Variants in SLC4A8 observed in about 807,000 individuals in gnomAD.
The protein encoded by SLC4A8 is solute carrier family 4 member 8.
Under a neutral mutation model 125.0 loss-of-function variants are expected in SLC4A8, and 40 were observed. That is an observed-to-expected ratio of 0.32 (90% CI 0.25 to 0.42). The LOEUF (loss-of-function observed/expected upper bound fraction) is 0.42. Among genes scored for constraint, SLC4A8 ranks in the 10% least tolerant of loss-of-function variants. The pLI is 1.00. For synonymous variants in SLC4A8, 456 were observed against 476.0 expected, an observed-to-expected ratio of 0.96 and a Z score of 0.55; for missense variants, 863 against 1,355.1, an observed-to-expected ratio of 0.64 and a Z score of 5.70.
intron 1 of SLC4A8, among the ~76,000 whole-genome samples, chr12:51,416,514 A>G (rs1330210096): frequency 6.6e-6 from 1 of 152,022 alleles, no homozygotes; most frequent in Non-Finnish European, 1.5e-5. Flanking sequence ...GTGGTGGCGT[A>G]CGCTTGTAAT....
upstream of SLC4A8, chr12:51,421,850 G>A (rs1220376948): frequency 6.6e-6 from 1 of 152,164 alleles, no homozygotes; most frequent in Non-Finnish European, 1.5e-5. Flanking sequence ...GTCTCCTCAG[G>A]TGAATCTTTC....
intron 5 of SLC4A8, among the ~76,000 whole-genome samples, chr12:51,456,896 A>G (rs1387967990): frequency 6.6e-6 from 1 of 152,174 alleles, no homozygotes; most frequent in Non-Finnish European, 1.5e-5. Context: ...TTCTACAGTT[A>G]TAGTTCTTCT....
At chr12:51,455,372 C>T (rs926941381) in intron 5 of SLC4A8, among the ~76,000 whole-genome samples, 98 of 151,694 alleles carry the variant, frequency 6.5e-4, no homozygotes, top group African/African-American at 2.3e-3. Flanking sequence ...AAAAAAAGTG[C>T]AACGACAGAG....
chr12:51,510,703 CCT>C lies in SLC4A8; in HGVS notation c.*3268_*3269del, dbSNP rs1938337653. 2 of 152,152 alleles carry C rather than the reference CCT, an allele frequency of 1.3e-5. No individual in the cohort carries two copies. The highest frequency in any genetic ancestry group is 2.9e-5 in the Non-Finnish European group (2 of 68,046). 9.4% of individuals were successfully genotyped at this position (152,152 alleles called of 1,614,324 possible). On this transcript the variant is annotated 3_prime_UTR_variant, in exon 25 of 25. Transcript: ENST00000453097. ...TTCATGCAAGAGACTTTAAGGGTAA[CCT>C]CTTCAGTTGAAACTGTCTTGGAAGT...
chr12:51,395,832 C>A (rs1303089587), intron 1 of SLC4A8, among the ~76,000 whole-genome samples: 3 of 152,144 alleles, frequency 2.0e-5, no homozygotes, highest in Non-Finnish European at 2.9e-5. Flanking sequence ...TTAATGATAC[C>A]TGGGGTTGTT....
intron 1 of SLC4A8, among the ~76,000 whole-genome samples, chr12:51,433,857 T>C (rs1221257486): frequency 3.4e-5 from 2 of 59,104 alleles, no homozygotes; most frequent in Non-Finnish European, 7.1e-5. Flanking sequence ...ATCTGTTTTT[T>C]TTTTTTTTTT....
rs1173169005 is a variant in SLC4A8, at chr12:51,509,512, G to GAGA, written c.*2076_*2078dup. On this transcript the variant is annotated 3_prime_UTR_variant, in exon 25 of 25. Coordinates refer to ENST00000453097, the MANE Select transcript of SLC4A8 (RefSeq NM_001039960.3). ...CACTTTTTCATCTTCATTGTTCCCT[G>GAGA]AGAACATCTCCCCTTTCTTGCTCTA... The GAGA allele has an allele frequency of 6.6e-6, 1 of 152,180 alleles. No individual in the cohort carries two copies. Among genetic ancestry groups the GAGA allele is most frequent in the Non-Finnish European group, 1.5e-5 (1 of 68,056 alleles). 9.4% of individuals were successfully genotyped at this position (152,180 alleles called of 1,614,324 possible). A position where few individuals can be genotyped will look rare whatever the true frequency, so the allele number is the denominator to read the frequency against.
At chr12:51,486,336 C>G (rs1423535253) in intron 17 of SLC4A8, among the ~76,000 whole-genome samples, 1 of 152,094 alleles carries the variant, frequency 6.6e-6, no homozygotes, top group Non-Finnish European at 1.5e-5. Flanking sequence ...CCTGAACCTT[C>G]AAGGATGGTG....
intron 8 of SLC4A8, among the ~76,000 whole-genome samples, chr12:51,460,386 CCT>C (rs1042271158): frequency 6.5e-5 from 2 of 30,944 alleles, no homozygotes; most frequent in African/African-American, 2.0e-4. Context: ...AGAGTGAGAC[CCT>C]GTCTTTTTTA....
chr12:51,463,779 C>A, intron 11 of SLC4A8, 65 bp downstream of exon 11: 2 of 1,096,570 alleles, frequency 1.8e-6, no homozygotes, highest in Non-Finnish European at 2.7e-6. Flanking sequence ...AGGAATGAGG[C>A]ATCTTCTTTC....
rs541059563 is a variant in SLC4A8, at chr12:51,425,290, C to T, written c.48+255C>T. The T allele has an allele frequency of 1.6e-4, 203 of 1,294,454 alleles. 1 individual carries two copies. In the South Asian group the frequency reaches 4.3e-3, roughly 28 times the overall value. 80.2% of individuals were successfully genotyped at this position (1,294,454 alleles called of 1,614,324 possible). A position where few individuals can be genotyped will look rare whatever the true frequency, so the allele number is the denominator to read the frequency against. ...ATCCCTTGCGCCGCCCGCCCAGGAG[C>T]CCTGACAGCCGGCGGGCGGCGACCT... On this transcript the variant is annotated intron_variant, in intron 1 of 24. Coordinates refer to ENST00000453097, the MANE Select transcript of SLC4A8 (RefSeq NM_001039960.3).
chr12:51,402,676 C>A (rs947286270), intron 1 of SLC4A8, among the ~76,000 whole-genome samples: 3 of 151,960 alleles, frequency 2.0e-5, no homozygotes, highest in Admixed American at 2.0e-4. Flanking sequence ...GAGCCGAGAC[C>A]GCGCCATTGC....
chr12:51,497,568 C>T (rs1055492), intron 22 of SLC4A8: 58,336 of 155,806 alleles, frequency 0.37, 11,286 homozygotes, highest in East Asian at 0.45. Context: ...TCCCTCAGCA[C>T]TTGGCATCTT....
chr12:51,505,701 G>T, intron 23 of SLC4A8, 134 bp from the exon 24 acceptor site: 1 of 482,418 alleles, frequency 2.1e-6, no homozygotes, highest in Non-Finnish European at 3.7e-6. Flanking sequence ...CTTGTTCCCC[G>T]AGTTCCTGAG....
upstream of SLC4A8, chr12:51,420,122 C>T (rs2137999871): frequency 6.6e-6 from 1 of 152,344 alleles, no homozygotes; most frequent in East Asian, 1.9e-4. Flanking sequence ...AGGAAATGCT[C>T]CCAGACGACA....
At chr12:51,490,809 T>C (rs148214189) in intron 19 of SLC4A8, among the ~76,000 whole-genome samples, 76 of 152,074 alleles carry the variant, frequency 5.0e-4, no homozygotes, top group Admixed American at 1.4e-3. Flanking sequence ...CAAGGTAACC[T>C]TTGAAGGGTT....
At chr12:51,426,677 A>G (rs1948992579) in intron 1 of SLC4A8, among the ~76,000 whole-genome samples, 1 of 152,140 alleles carries the variant, frequency 6.6e-6, no homozygotes, top group African/African-American at 2.4e-5. Context: ...CTGGTTAGAG[A>G]CCTGAAATGA....
At chr12:51,440,122 A>C (rs780574979) in intron 1 of SLC4A8, among the ~76,000 whole-genome samples, 2 of 152,212 alleles carry the variant, frequency 1.3e-5, no homozygotes, top group African/African-American at 2.4e-5. Flanking sequence ...TGTGGTAAAC[A>C]GGCCCAAATG....
intron 1 of SLC4A8, among the ~76,000 whole-genome samples, chr12:51,436,962 C>G (rs992209675): frequency 1.3e-5 from 2 of 152,120 alleles, no homozygotes; most frequent in African/African-American, 2.4e-5. Context: ...ACTTATGTTC[C>G]AACACCCTTT....
Sources: allele counts gnomAD v4.1 joint callset (sites outside exome capture counted in the v4.1 genomes callset), GRCh38; gene constraint gnomAD v4.1.1; transcripts MANE v1.5; gene names NCBI Gene and HGNC (gene_info 2026-07-23, HGNC 2026-07-21).